Variants in ZYG11A observed in about 807,000 individuals in gnomAD.
ZYG11A encodes protein zyg-11 homolog A.
A neutral mutation model predicts 77.2 loss-of-function variants in ZYG11A; 62 were observed. The ratio of observed to expected loss-of-function variants is 0.80; its 90% CI spans 0.65 to 0.99. The LOEUF (loss-of-function observed/expected upper bound fraction) is 0.99. Ranked by LOEUF, ZYG11A falls within the 50% of genes least tolerant of loss-of-function variation. The probability of loss-of-function intolerance (pLI) is 0.00; values close to 1 mark genes in which losing one functional copy is unlikely to be tolerated. For synonymous variants in ZYG11A, 315 were observed against 324.6 expected (o/e 0.97, Z 0.32); for missense variants, 828 against 896.8 (o/e 0.92, Z 0.98).
In ZYG11A at chr1:52,881,655, T is replaced by C; in HGVS notation, c.1934T>C (p.Leu645Pro). The C allele has an allele frequency of 6.5e-7, 1 of 1,550,376 alleles. No individual in the cohort carries two copies. Among genetic ancestry groups the C allele is most frequent in the Non-Finnish European group, 8.7e-7 (1 of 1,146,216 alleles). The change falls in exon 11 of 14, where the codon CTC (leucine) becomes CCC (proline). Residue 645 changes from leucine (L) to proline (P), a missense_variant. Transcript: ENST00000371528. ...CGTGACTTCCAGAGGCGTACTCTTC[T>C]CCAAGATCTGGTACAGGAACCACAT... ...ISRDFQRRTL[L>P]QDLHATIQNW...
chr1:52,862,291 C>A (rs896122452), intron 4 of ZYG11A, among the ~76,000 whole-genome samples: 1 of 150,512 alleles, frequency 6.6e-6, no homozygotes, highest in African/African-American at 2.4e-5. Flanking sequence ...TGGAGGACTA[C>A]GTGAGCCCAG....
intron 5 of ZYG11A, among the ~76,000 whole-genome samples, chr1:52,864,770 G>A (rs1257535264): frequency 6.6e-6 from 1 of 151,214 alleles, no homozygotes; most frequent in Non-Finnish European, 1.5e-5. Flanking sequence ...TCAGCCTCCC[G>A]AGTATCTTAG....
rs967181424 is a variant in ZYG11A at position 52,893,368 on chromosome 1, A to T, written c.*411A>T. On this transcript the variant is annotated 3_prime_UTR_variant, in exon 14 of 14. Transcript: ENST00000371528. ...TTAAATTTCCTTTGTTGTTATCGTCATGTGAAGCTATGAGAAAAGCTTGGG... is the reference window on the plus strand; with the variant it reads ...TTAAATTTCCTTTGTTGTTATCGTCTTGTGAAGCTATGAGAAAAGCTTGGG... 6.3e-6 allele frequency: 1 copy of T among 158,844 alleles called. No homozygotes were observed. Among genetic ancestry groups the T allele is most frequent in the African/African-American group, 2.4e-5 (1 of 41,530 alleles). 9.8% of individuals were successfully genotyped at this position (158,844 alleles called of 1,614,324 possible). A position where few individuals can be genotyped will look rare whatever the true frequency, so the allele number is the denominator to read the frequency against.
At chr1:52,883,187 G>C (rs933547634) in intron 11 of ZYG11A, among the ~76,000 whole-genome samples, 1 of 151,982 alleles carries the variant, frequency 6.6e-6, no homozygotes, top group Non-Finnish European at 1.5e-5. Context: ...CACCATCTCA[G>C]CTCACTGCAA....
intron 11 of ZYG11A, among the ~76,000 whole-genome samples, chr1:52,883,765 T>C (rs767717015): frequency 2.6e-5 from 4 of 152,092 alleles, no homozygotes; most frequent in African/African-American, 9.7e-5. Flanking sequence ...GGCTACTGTT[T>C]CCTGCAAGTT....
At chr1:52,860,993 A>G in intron 4 of ZYG11A, 122 bp downstream of exon 4, 2 of 956,098 alleles carry the variant, frequency 2.1e-6, no homozygotes, top group Non-Finnish European at 3.1e-6. Context: ...AAGTGCTCTC[A>G]TAGAGCAAAG....
chr1:52,858,583 G>T (rs1240504951), intron 3 of ZYG11A, among the ~76,000 whole-genome samples: 1 of 151,620 alleles, frequency 6.6e-6, no homozygotes, highest in Non-Finnish European at 1.5e-5. Flanking sequence ...GGGATTATAG[G>T]CATGAACCAC....
intron 13 of ZYG11A, 143 bp downstream of exon 13, chr1:52,887,196 A>G: frequency 2.5e-6 from 1 of 404,250 alleles, no homozygotes; most frequent in African/African-American, 2.0e-5. Flanking sequence ...GAAAAAAGAT[A>G]TTACTAGCTT....
chr1:52,865,434 C>T (rs1006117007), intron 5 of ZYG11A, among the ~76,000 whole-genome samples: 4 of 152,118 alleles, frequency 2.6e-5, no homozygotes, highest in African/African-American at 9.7e-5. Context: ...ATTAAATATA[C>T]ACTTCATAAA....
chr1:52,848,222 T>C (rs1457533019), intron 1 of ZYG11A, among the ~76,000 whole-genome samples: 15 of 151,964 alleles, frequency 9.9e-5, no homozygotes, highest in Non-Finnish European at 1.0e-4. Flanking sequence ...AGGTGGGTCT[T>C]AAACTCCTGA....
rs1420829968 is a variant in ZYG11A at position 52,857,492 on chromosome 1, G to A, written c.751G>A (p.Val251Ile). The A allele has an allele frequency of 6.4e-7, 1 of 1,552,210 alleles. No homozygotes were observed. The highest frequency in any genetic ancestry group is 8.7e-7 in the Non-Finnish European group (1 of 1,147,124). ...LAMTKSQILA[V>I]IRELKCLLHL... ...CATGACCAAATCACAAATTCTTGCA[G>A]TCATTAGAGAACTTAAATGTCTGCT... is the stretch of plus-strand genomic sequence containing the variant. The change falls in exon 3 of 14, where the codon GTC (valine) becomes ATC (isoleucine). Residue 251 changes from valine (V) to isoleucine (I), a missense_variant. Physicochemically the swap from Val to Ile is conservative, Grantham distance 29. Transcript: ENST00000371528.
At chr1:52,882,727 A>C (rs970382202) in intron 11 of ZYG11A, among the ~76,000 whole-genome samples, 1 of 152,198 alleles carries the variant, frequency 6.6e-6, no homozygotes, top group Non-Finnish European at 1.5e-5. Flanking sequence ...ACTTGTCAGG[A>C]TCACTGTTGA....
intron 13 of ZYG11A, among the ~76,000 whole-genome samples, chr1:52,889,815 C>T (rs1646509778): frequency 6.6e-6 from 1 of 151,364 alleles, no homozygotes. Context: ...GGGTTCACGC[C>T]ATTCTCCTGC....
At chr1:52,846,735 A>T (rs1645592730) in intron 1 of ZYG11A, among the ~76,000 whole-genome samples, 1 of 152,066 alleles carries the variant, frequency 6.6e-6, no homozygotes, top group South Asian at 2.1e-4. Flanking sequence ...GATTGCTAAG[A>T]TTTAATTTTT....
At chr1:52,891,938 C>T (rs943627562) in intron 13 of ZYG11A, among the ~76,000 whole-genome samples, 5 of 151,536 alleles carry the variant, frequency 3.3e-5, no homozygotes, top group Non-Finnish European at 7.4e-5. Context: ...CTCGCTCTGT[C>T]GCCCAGGCTG....
chr1:52,879,444 T>C lies in ZYG11A; in HGVS notation c.1749+1475T>C, dbSNP rs1005617483. 2.6e-5 allele frequency among the ~76,000 whole-genome samples: 4 copies of C among 152,234 alleles called. 1 individual carries two copies. In the South Asian group the frequency reaches 8.3e-4, roughly 32 times the overall value. ...TTCGTGTATCTCACACATACAGGAC[T>C]CACAACAAAGTAGATGTGAAAGGCT... On this transcript the variant is annotated intron_variant, in intron 10 of 13. Coordinates refer to ENST00000371528, the MANE Select transcript of ZYG11A (RefSeq NM_001004339.3).
rs1186637781 is a variant in ZYG11A, at chr1:52,889,750, C to T, written c.2104+2697C>T. ...TTTTTGAGATGGAGTCTCGCTCTGT[C>T]ACCCAGGCTGGAGTGCAGTGGTGCA... On this transcript the variant is annotated intron_variant, in intron 13 of 13. Transcript: ENST00000371528. Among the ~76,000 whole-genome samples, 3 of 146,690 alleles carry T rather than the reference C, an allele frequency of 2.0e-5. No individual in the cohort carries two copies. The Admixed American group carries it at 2.1e-4, about 10-fold the overall frequency.
At chr1:52,859,660 G>GTATACCTGTACTA (rs71044431) in intron 3 of ZYG11A, among the ~76,000 whole-genome samples, 2 of 115,460 alleles carry the variant, frequency 1.7e-5, no homozygotes, top group Non-Finnish European at 3.4e-5. Flanking sequence ...ATCTGTTTGT[G>GTATACCTGTACTA]TATTGCCTTT....
At chr1:52,879,304 C>T (rs481440) in intron 10 of ZYG11A, among the ~76,000 whole-genome samples, 96,390 of 152,030 alleles carry the variant, frequency 0.63, 31,433 homozygotes, top group Middle Eastern at 0.75. Context: ...CGTGTACAAA[C>T]AGGTATCTGA....
Sources: allele counts gnomAD v4.1 joint callset (sites outside exome capture counted in the v4.1 genomes callset), GRCh38; gene constraint gnomAD v4.1.1; transcripts MANE v1.5; gene names NCBI Gene and HGNC (gene_info 2026-07-23, HGNC 2026-07-21).